The following STAP2 variants were observed in gnomAD, a reference collection of about 807,000 sequenced individuals.
The protein encoded by STAP2 is signal-transducing adaptor protein 2.
Under a neutral mutation model 52.7 loss-of-function variants are expected in STAP2, and 58 were observed. That is an observed-to-expected ratio of 1.10 (90% CI 0.89 to 1.37). The LOEUF is 1.37. STAP2 is among the 40% of genes most tolerant of loss of function. STAP2 has a pLI of 0.00. For synonymous variants in STAP2, 231 were observed against 210.5 expected (o/e 1.10, Z -0.84); for missense variants, 522 against 519.4 (o/e 1.00, Z -0.05).
rs746861123 is a variant in STAP2 at position 4,327,336 on chromosome 19, C to T, written c.640G>A (p.Val214Met). 9.3e-6 allele frequency: 15 copies of T among 1,614,020 alleles called. No individual in the cohort carries two copies. The Admixed American group carries it at 2.3e-4, about 25-fold the overall frequency. ...CTCACCGGCTGTTCCACATCGATCA[C>T]GTACTTGGGGCCCTCCCGCTTCACC... ...YKVKREGPKY[V>M]IDVEQPFSCT... The change falls in exon 7 of 13, where the codon GTG becomes ATG. Residue 214 changes from valine to methionine, a missense_variant. Transcript: ENST00000594605.
chr19:4,329,661 C>T (rs1387799906), intron 5 of STAP2, among the ~76,000 whole-genome samples: 1 of 152,120 alleles, frequency 6.6e-6, no homozygotes, highest in Non-Finnish European at 1.5e-5. Context: ...GACGAAGCAT[C>T]ACCTTCTAGA....
chr19:4,338,559 C>G lies in STAP2; in HGVS notation c.102+93G>C, dbSNP rs577586475. The stretch of plus-strand genomic sequence containing the variant: ...CTGCCCCATCCAGCACCCACCCCGC[C>G]CCCCCTTGGCGAGTGGGGAGACAGG... On this transcript the variant is annotated intron_variant, in intron 1 of 12. Transcript: ENST00000594605. 161 of 745,748 alleles carry G rather than the reference C, an allele frequency of 2.2e-4. 6 individuals are homozygous for G. The African/African-American group carries it at 2.6e-3, about 12-fold the overall frequency. The allele number at this position is 745,748 out of a possible 1,614,324, so 46.2% of individuals were successfully genotyped here. A position where few individuals can be genotyped will look rare whatever the true frequency, so the allele number is the denominator to read the frequency against.
At chr19:4,337,072 A>G (rs1268001446) in intron 1 of STAP2, among the ~76,000 whole-genome samples, 3 of 152,002 alleles carry the variant, frequency 2.0e-5, no homozygotes, top group Non-Finnish European at 2.9e-5. Flanking sequence ...AGGCGGGGAC[A>G]TGGGCAGGGA....
intron 6 of STAP2, 146 bp downstream of exon 6, chr19:4,328,529 T>A: frequency 8.8e-7 from 1 of 1,141,314 alleles, no homozygotes; most frequent in Non-Finnish European, 1.2e-6. Context: ...TCTGACTCCG[T>A]CCCCAGACGC....
At chr19:4,330,266 A>G (rs1971867727) in intron 4 of STAP2, among the ~76,000 whole-genome samples, 1 of 152,082 alleles carries the variant, frequency 6.6e-6, no homozygotes, top group Non-Finnish European at 1.5e-5. Context: ...CACGCCTGTA[A>G]TCCCAGCACT....
In STAP2 at chr19:4,324,546, A is replaced by T; in HGVS notation, c.1073-17T>A. ...CTTTGGGCTCTGGAAGAGAAGACAGATGAGGCCAGGTGTGGTGGCTCACGC... is the reference window on the plus strand; with the variant it reads ...CTTTGGGCTCTGGAAGAGAAGACAGTTGAGGCCAGGTGTGGTGGCTCACGC... On this transcript the variant is annotated splice_polypyrimidine_tract_variant and intron_variant, in intron 11 of 12. Transcript: ENST00000594605. 4 of 1,558,732 alleles carry T rather than the reference A, an allele frequency of 2.6e-6. No individual in the cohort carries two copies. Among genetic ancestry groups the T allele is most frequent in the Non-Finnish European group, 3.5e-6 (4 of 1,150,278 alleles).
At chr19:4,335,678 A>G (rs1432535383) in intron 1 of STAP2, among the ~76,000 whole-genome samples, 1 of 152,158 alleles carries the variant, frequency 6.6e-6, no homozygotes, top group African/African-American at 2.4e-5. Context: ...TAAACACTGT[A>G]TTGCTTCATT....
intron 3 of STAP2, 71 bp downstream of exon 3, chr19:4,333,623 A>G (rs1186358791): frequency 5.2e-6 from 8 of 1,527,168 alleles, no homozygotes; most frequent in Non-Finnish European, 7.0e-6. Context: ...GGTTGGCACA[A>G]TGGAGGGTAG....
intron 1 of STAP2, among the ~76,000 whole-genome samples, chr19:4,335,458 A>C (rs1055532737): frequency 6.7e-6 from 1 of 150,364 alleles, no homozygotes; most frequent in Non-Finnish European, 1.5e-5. Flanking sequence ...ACCCACTTGT[A>C]TATGCACTCA....
chr19:4,331,739 T>G (rs2144788641), intron 4 of STAP2, among the ~76,000 whole-genome samples: 2 of 151,538 alleles, frequency 1.3e-5, no homozygotes, highest in South Asian at 4.2e-4. Context: ...GAGACCATCC[T>G]GGCTAACACA....
intron 1 of STAP2, among the ~76,000 whole-genome samples, chr19:4,337,375 G>A (rs979609215): frequency 6.6e-6 from 1 of 151,238 alleles, no homozygotes; most frequent in Non-Finnish European, 1.5e-5. Context: ...GGGATCACAG[G>A]CACGCACCAC....
chr19:4,324,202 G>C lies in STAP2; in HGVS notation c.1148-5C>G, dbSNP rs1971744750. 6 of 1,550,906 alleles carry C rather than the reference G, an allele frequency of 3.9e-6. No homozygotes were observed. Among genetic ancestry groups the C allele is most frequent in the Non-Finnish European group, 5.2e-6 (6 of 1,146,966 alleles). On this transcript the variant is annotated splice_region_variant and splice_polypyrimidine_tract_variant and intron_variant, in intron 12 of 12. Coordinates refer to ENST00000594605, the MANE Select transcript of STAP2 (RefSeq NM_001013841.2). ...CTGCCGTCATGTCTGCCAGCCCTGGGGGTTCAGGACCAGGAGCTGCAGCTG... is the reference window on the plus strand; with the variant it reads ...CTGCCGTCATGTCTGCCAGCCCTGGCGGTTCAGGACCAGGAGCTGCAGCTG...
At chr19:4,328,920 G>C in intron 5 of STAP2, 111 bp from the exon 6 acceptor site, 1 of 1,445,620 alleles carries the variant, frequency 6.9e-7, no homozygotes, top group South Asian at 1.4e-5. Context: ...CTAGGCCCAG[G>C]AGACCCTGCC....
In STAP2 at chr19:4,327,346, G is replaced by A. The variant is rs373701857; in HGVS notation, c.630C>T (p.Gly210=). The change falls in exon 7 of 13, where the codon GGC becomes GGT. Residue 210 remains glycine, a synonymous_variant. Coordinates refer to ENST00000594605, the MANE Select transcript of STAP2 (RefSeq NM_001013841.2). The part of the protein sequence containing the change: ...VVRHYKVKRE[G]PKYVIDVEQP... Reference sequence around the variant, plus strand: ...GTTCCACATCGATCACGTACTTGGGGCCCTCCCGCTTCACCTTGTAATGCC... The same window carrying A: ...GTTCCACATCGATCACGTACTTGGGACCCTCCCGCTTCACCTTGTAATGCC... The A allele has an allele frequency of 1.2e-6, 2 of 1,613,978 alleles. No individual in the cohort carries two copies. The highest frequency in any genetic ancestry group is 1.7e-6 in the Non-Finnish European group (2 of 1,179,998).
chr19:4,333,847 C>T (rs188620178), intron 2 of STAP2, 31 bp from the exon 3 acceptor site: 2 of 1,613,526 alleles, frequency 1.2e-6, no homozygotes, highest in Non-Finnish European at 1.7e-6. Flanking sequence ...GATCTGGGCA[C>T]CAGTTCCTTG....
In STAP2 at chr19:4,324,182, G is replaced by A. The variant is rs569323273; in HGVS notation, c.1163C>T (p.Thr388Met). 1.8e-5 allele frequency: 28 copies of A among 1,551,304 alleles called. No individual in the cohort carries two copies. The highest frequency in any genetic ancestry group is 8.3e-5 in the South Asian group (7 of 84,062). Residue 388 changes from threonine to methionine, a missense_variant, in exon 13 of 13, where the codon ACG (threonine) becomes ATG (methionine). Coordinates refer to ENST00000594605, the MANE Select transcript of STAP2 (RefSeq NM_001013841.2). ...LFPTAGLADM[T>M]AELQKKLEKR... Reference sequence around the variant, plus strand: ...CTCCAGCTTCTTCTGTAGCTCTGCCGTCATGTCTGCCAGCCCTGGGGGTTC... The same window carrying A: ...CTCCAGCTTCTTCTGTAGCTCTGCCATCATGTCTGCCAGCCCTGGGGGTTC...
rs149927966 is a variant in STAP2, at chr19:4,325,502, C to T, written c.873G>A (p.Ala291=). ...GTGGGGGCAGCTTGTCCTGGCTAGA[C>T]GCAGGTGACAGCGGCTTGGGGCCAC... ...CTGGPKPLSP[A]SSQDKLPPLP... The change falls in exon 10 of 13, where the codon GCG becomes GCA. Residue 291 remains alanine (A), a synonymous_variant. Transcript: ENST00000594605. The T allele has an allele frequency of 1.6e-5, 25 of 1,611,406 alleles. No homozygotes were observed. The highest frequency in any genetic ancestry group is 2.2e-5 in the East Asian group (1 of 44,880).
intron 9 of STAP2, 148 bp downstream of exon 9, chr19:4,326,794 C>A: frequency 5.8e-6 from 6 of 1,040,372 alleles, no homozygotes; most frequent in Non-Finnish European, 7.0e-6. Flanking sequence ...ACACACACAC[C>A]CTGACGGCAG....
At position 4,326,967 on chromosome 19, in the gene STAP2, C is replaced by T; in HGVS notation, c.804G>A (p.Trp268Ter). The change falls in exon 9 of 13, where the codon TGG becomes TGA. Residue 268 changes from tryptophan to a stop codon, truncating the protein, a stop_gained. Transcript: ENST00000594605. LOFTEE classifies it high-confidence loss of function. ...CTGGGCCCGGAGCGGAGGGCGCCACCCACACATTCTCGCCATTCTCCTTAT... is the reference window on the plus strand; with the variant it reads ...CTGGGCCCGGAGCGGAGGGCGCCACTCACACATTCTCGCCATTCTCCTTAT... ...EADKENGENV[W>*]VAPSAPGPGP... is the part of the protein sequence containing the mutation. 6.4e-7 allele frequency: 1 copy of T among 1,552,248 alleles called. No homozygotes were observed. Among genetic ancestry groups the T allele is most frequent in the Non-Finnish European group, 8.7e-7 (1 of 1,147,170 alleles).
Sources: allele counts gnomAD v4.1 joint callset (sites outside exome capture counted in the v4.1 genomes callset), GRCh38; gene constraint gnomAD v4.1.1; transcripts MANE v1.5; gene names NCBI Gene and HGNC (gene_info 2026-07-23, HGNC 2026-07-21).